The following MARCHF1 variants were observed in gnomAD, a reference collection of about 807,000 sequenced individuals.
MARCHF1 encodes E3 ubiquitin-protein ligase MARCHF1.
Under a neutral mutation model 54.2 loss-of-function variants are expected in MARCHF1, and 40 were observed. The ratio of observed to expected loss-of-function variants is 0.74; its 90% confidence interval spans 0.57 to 0.96. The LOEUF (loss-of-function observed/expected upper bound fraction) is 0.96, where lower values mean the gene tolerates loss of function less well. MARCHF1 is among the 40% of genes least tolerant of loss of function. MARCHF1 has a pLI of 0.00. For missense variants in MARCHF1, 586 were observed against 656.5 expected, an observed-to-expected ratio of 0.89 and a Z score of 1.17; for synonymous variants, 236 against 236.3, an observed-to-expected ratio of 1.00 and a Z score of 0.01.
At chr4:164,107,329 T>G (rs1039439749) in intron 2 of MARCHF1, among the ~76,000 whole-genome samples, 2 of 152,090 alleles carry the variant, frequency 1.3e-5, no homozygotes, top group Non-Finnish European at 2.9e-5. Flanking sequence ...AATGGTAAAA[T>G]AGATCTAAAA....
At chr4:164,034,408 T>C (rs1483744841) in intron 2 of MARCHF1, among the ~76,000 whole-genome samples, 1 of 152,138 alleles carries the variant, frequency 6.6e-6, no homozygotes, top group African/African-American at 2.4e-5. Context: ...TGGAAAACAG[T>C]ATGGAGATTG....
intron 2 of MARCHF1, among the ~76,000 whole-genome samples, chr4:164,034,702 T>C (rs941909291): frequency 3.3e-5 from 5 of 152,112 alleles, no homozygotes; most frequent in Admixed American, 2.6e-4. Flanking sequence ...ACAGTTATAG[T>C]AAATATCATG....
intron 4 of MARCHF1, among the ~76,000 whole-genome samples, chr4:163,747,352 T>G (rs1746392486): frequency 1.3e-5 from 2 of 152,164 alleles, no homozygotes; most frequent in African/African-American, 4.8e-5. Context: ...AAATATAAAT[T>G]TTCTCTGATG....
At chr4:163,932,376 TG>T in intron 3 of MARCHF1, 1 of 331,594 alleles carries the variant, frequency 3.0e-6, no homozygotes, top group Non-Finnish European at 6.0e-6. Flanking sequence ...TTTTCAAAAC[TG>T]GAGTAAATCC....
Position 163,597,522 on chromosome 4 carries a change from G to T in MARCHF1, c.1011-11593C>A, listed in dbSNP as rs1348055332. On this transcript the variant is annotated intron_variant, in intron 7 of 9. Coordinates refer to ENST00000514618, the MANE Select transcript of MARCHF1 (RefSeq NM_001394959.1). ...TTAAAAATTACATTCATGGAAAAAG[G>T]TTATAAGGAAACATGAAAATCTAAA... 4.6e-5 allele frequency among the ~76,000 whole-genome samples: 7 copies of T among 152,004 alleles called. No homozygotes were observed. The East Asian group carries it at 9.6e-4, about 21-fold the overall frequency.
intron 1 of MARCHF1, among the ~76,000 whole-genome samples, chr4:164,268,457 C>T (rs187351062): frequency 6.6e-6 from 1 of 152,140 alleles, no homozygotes; most frequent in East Asian, 1.9e-4. Flanking sequence ...TTGCAGAATT[C>T]TTTATGAGCT....
At chr4:163,853,983 A>G (rs1245850678) in intron 4 of MARCHF1, 38 bp downstream of exon 4, 4 of 1,529,696 alleles carry the variant, frequency 2.6e-6, no homozygotes, top group African/African-American at 2.7e-5. Context: ...TTCTATTTAC[A>G]TATAAGCCAA....
chr4:163,765,223 T>C (rs576882259), intron 4 of MARCHF1, among the ~76,000 whole-genome samples: 2 of 152,202 alleles, frequency 1.3e-5, no homozygotes, highest in African/African-American at 4.8e-5. Context: ...ATGTTAATAA[T>C]GAAGATTAAA....
At chr4:163,949,678 T>C (rs372616355) in intron 3 of MARCHF1, among the ~76,000 whole-genome samples, 3 of 152,164 alleles carry the variant, frequency 2.0e-5, no homozygotes, top group African/African-American at 7.2e-5. Context: ...AGGCTGGTTG[T>C]CCTGATGAGT....
rs541796905 is a variant in MARCHF1, at chr4:164,045,069, C to T, written c.-247-56360G>A. On this transcript the variant is annotated intron_variant, in intron 2 of 9. Coordinates refer to ENST00000514618, the MANE Select transcript of MARCHF1 (RefSeq NM_001394959.1). The stretch of plus-strand genomic sequence containing the variant: ...ATATTAAAAGTCATACAACTATACA[C>T]TAGAAAAAAATCAATACTATGGCAT... 3.3e-5 allele frequency among the ~76,000 whole-genome samples: 5 copies of T among 151,686 alleles called. No individual in the cohort carries two copies. The South Asian group carries it at 1.0e-3, about 32-fold the overall frequency.
chr4:163,730,127 T>A (rs1295443907), intron 4 of MARCHF1, among the ~76,000 whole-genome samples: 1 of 152,122 alleles, frequency 6.6e-6, no homozygotes, highest in African/African-American at 2.4e-5. Flanking sequence ...CATTGTCTTA[T>A]CTTCAAGTTT....
At chr4:164,280,256 C>T (rs1253820581) in intron 1 of MARCHF1, among the ~76,000 whole-genome samples, 1 of 151,832 alleles carries the variant, frequency 6.6e-6, no homozygotes, top group Non-Finnish European at 1.5e-5. Flanking sequence ...TCCTCAAAGT[C>T]GTGAATATAG....
At chr4:164,136,294 A>G (rs1396061555) in intron 1 of MARCHF1, among the ~76,000 whole-genome samples, 1 of 151,232 alleles carries the variant, frequency 6.6e-6, no homozygotes, top group Non-Finnish European at 1.5e-5. Flanking sequence ...AAAAAAGCCA[A>G]GAATAGATGC....
chr4:164,243,714 T>C (rs557078637), intron 1 of MARCHF1, among the ~76,000 whole-genome samples: 1 of 152,164 alleles, frequency 6.6e-6, no homozygotes, highest in South Asian at 2.1e-4. Flanking sequence ...AGGAAACCCA[T>C]CTCACGGGCA....
At chr4:163,738,113 T>TAACA (rs1199704583) in intron 4 of MARCHF1, among the ~76,000 whole-genome samples, 2 of 152,186 alleles carry the variant, frequency 1.3e-5, no homozygotes, top group African/African-American at 4.8e-5. Flanking sequence ...GATCTGGTCC[T>TAACA]AACAAACATA....
chr4:163,605,848 T>C (rs541635123), intron 7 of MARCHF1, among the ~76,000 whole-genome samples: 41 of 151,388 alleles, frequency 2.7e-4, no homozygotes, highest in Non-Finnish European at 5.0e-4. Context: ...TAAGTGGGAG[T>C]TGAACAATTA....
intron 2 of MARCHF1, among the ~76,000 whole-genome samples, chr4:164,007,628 A>C (rs1038963020): frequency 4.2e-5 from 4 of 95,064 alleles, no homozygotes; most frequent in African/African-American, 1.6e-4. Context: ...TGTAGAATTT[A>C]TTTCTCTCTC....
chr4:164,038,899 C>A (rs1754067478), intron 2 of MARCHF1, among the ~76,000 whole-genome samples: 1 of 151,886 alleles, frequency 6.6e-6, no homozygotes, highest in African/African-American at 2.4e-5. Context: ...TTAAGTGGAA[C>A]CCCCTCAATA....
At chr4:163,709,071 C>T (rs368432144) in intron 4 of MARCHF1, among the ~76,000 whole-genome samples, 82 of 152,194 alleles carry the variant, frequency 5.4e-4, no homozygotes, top group African/African-American at 2.0e-3. Flanking sequence ...AATTCCATTT[C>T]TTTAAAAACA....
Sources: allele counts gnomAD v4.1 joint callset (sites outside exome capture counted in the v4.1 genomes callset), GRCh38; gene constraint gnomAD v4.1.1; transcripts MANE v1.5; gene names NCBI Gene and HGNC (gene_info 2026-07-23, HGNC 2026-07-21).